Variants in AGAP1 observed in about 807,000 individuals in gnomAD.
AGAP1 encodes the protein ArfGAP with GTPase domain, ankyrin repeat and PH domain 1.
AGAP1 carries 29 observed loss-of-function variants against 105.3 expected under a neutral mutation model. The observed-to-expected ratio is 0.28, with a 90% CI of 0.21 to 0.38. The LOEUF (loss-of-function observed/expected upper bound fraction) is 0.38, where lower values mean the gene tolerates loss of function less well. Ranked by LOEUF, AGAP1 falls within the 10% of genes least tolerant of loss-of-function variation. The pLI, the probability that AGAP1 is intolerant of heterozygous loss-of-function variation, is 1.00. For synonymous variants in AGAP1, 509 were observed against 485.9 expected, an observed-to-expected ratio of 1.05 and a Z score of -0.63; for missense variants, 998 against 1,165.1, an observed-to-expected ratio of 0.86 and a Z score of 2.09.
intron 15 of AGAP1, among the ~76,000 whole-genome samples, chr2:236,048,527 G>A (rs1225353231): frequency 6.6e-6 from 1 of 152,222 alleles, no homozygotes; most frequent in Non-Finnish European, 1.5e-5. Flanking sequence ...CTTCACTGTA[G>A]TGTACCTCTC....
Position 235,559,504 on chromosome 2 carries a change from T to C in AGAP1, c.163+64655T>C, listed in dbSNP as rs1189365480. Among the ~76,000 whole-genome samples, 2 of 152,206 alleles carry C rather than the reference T, an allele frequency of 1.3e-5. No individual in the cohort carries two copies. Among genetic ancestry groups the C allele is most frequent in the African/African-American group, 4.8e-5 (2 of 41,450 alleles). On this transcript the variant is annotated intron_variant, in intron 1 of 17. Coordinates refer to ENST00000304032, the MANE Select transcript of AGAP1 (RefSeq NM_001037131.3). This position sits in a 1 kb window ranked among gnomAD's most constrained non-coding sequence, Gnocchi z 5.7. ...AAGGTTGAAAATCAGTTTTTCATTA[T>C]GTAAATAATGTGTACTCAGTGTAGA...
At chr2:235,811,055 A>C (rs1958112027) in intron 9 of AGAP1, among the ~76,000 whole-genome samples, 1 of 152,140 alleles carries the variant, frequency 6.6e-6, no homozygotes, top group African/African-American at 2.4e-5. Flanking sequence ...AATGGCAGTT[A>C]ATGAAGTACA....
Position 235,691,697 on chromosome 2 carries a change from G to T in AGAP1, c.164-17482G>T, listed in dbSNP as rs1415329402. On this transcript the variant is annotated intron_variant, in intron 1 of 17. Coordinates refer to ENST00000304032, the MANE Select transcript of AGAP1 (RefSeq NM_001037131.3). This position sits in a 1 kb window ranked among gnomAD's most constrained non-coding sequence, Gnocchi z 4.4. The stretch of plus-strand genomic sequence containing the variant: ...CATCTGCAGAAGGCTGCAAGCTGGG[G>T]AACTGAGGGGCCTCTTGGTCTGGGG... Among the ~76,000 whole-genome samples the T allele has an allele frequency of 2.6e-5, 4 of 152,232 alleles. No individual in the cohort carries two copies. The highest frequency in any genetic ancestry group is 5.9e-5 in the Non-Finnish European group (4 of 68,046).
intron 9 of AGAP1, among the ~76,000 whole-genome samples, chr2:235,851,499 T>C (rs2048454296): frequency 6.6e-6 from 1 of 151,780 alleles, no homozygotes; most frequent in South Asian, 2.1e-4. Context: ...TTCAGAGAAT[T>C]TTTTTTTTAA....
intron 13 of AGAP1, among the ~76,000 whole-genome samples, chr2:235,978,557 G>A (rs1206082749): frequency 6.6e-6 from 1 of 152,220 alleles, no homozygotes; most frequent in African/African-American, 2.4e-5. Flanking sequence ...ATGAGGAAGA[G>A]GGTTGAATAA....
rs2055640513 is a variant in AGAP1 at position 235,993,046 on chromosome 2, G to A, written c.1645+24423G>A. On this transcript the variant is annotated intron_variant, in intron 13 of 17. Transcript: ENST00000304032. The surrounding 1 kb of genome is among the most constrained non-coding windows in gnomAD (Gnocchi z 5.0). ...GTTACAAAAAACCAGTTTAAGACAT[G>A]GACTTTTTTCATATGTACATCTGAA... Among the ~76,000 whole-genome samples, 1 of 152,126 alleles carries A rather than the reference G, an allele frequency of 6.6e-6. No homozygotes were observed. The highest frequency in any genetic ancestry group is 2.4e-5 in the African/African-American group (1 of 41,430).
chr2:236,018,403 A>T (rs1295085310), intron 13 of AGAP1, among the ~76,000 whole-genome samples: 7 of 152,244 alleles, frequency 4.6e-5, no homozygotes, highest in Admixed American at 4.6e-4. Context: ...GTTGTGCAGG[A>T]GGAAACTCGG....
intron 1 of AGAP1, among the ~76,000 whole-genome samples, chr2:235,651,601 C>T (rs1947597023): frequency 6.6e-6 from 1 of 152,100 alleles, no homozygotes; most frequent in Non-Finnish European, 1.5e-5. Context: ...CAGATTCAGC[C>T]CTCTAGTCAT....
At chr2:235,980,259 G>A (rs566113007) in intron 13 of AGAP1, among the ~76,000 whole-genome samples, 1 of 152,204 alleles carries the variant, frequency 6.6e-6, no homozygotes, top group South Asian at 2.1e-4. Context: ...GATGGCTGTT[G>A]TCTGGGTTTT....
intron 16 of AGAP1, among the ~76,000 whole-genome samples, chr2:236,064,882 A>G (rs1017120345): frequency 6.6e-6 from 1 of 152,206 alleles, no homozygotes; most frequent in African/African-American, 2.4e-5. Flanking sequence ...AACAAGAATA[A>G]TCACCTGTTC....
Position 235,995,036 on chromosome 2 carries a change from A to C in AGAP1, c.1645+26413A>C, listed in dbSNP as rs192987513. Among the ~76,000 whole-genome samples the C allele has an allele frequency of 5.8e-3, 711 of 123,062 alleles. 2 individuals carry two copies. Among genetic ancestry groups the C allele is most frequent in the African/African-American group, 0.021 (638 of 31,064 alleles). 80.7% of individuals were successfully genotyped at this position (123,062 alleles called of 152,430 possible). A position where few individuals can be genotyped will look rare whatever the true frequency, so the allele number is the denominator to read the frequency against. ...GAGCCGAGATCGCGCCTTGCACTCCAACCAGGGAGACAGTACAAGACTCTG... is the reference window on the plus strand; with the variant it reads ...GAGCCGAGATCGCGCCTTGCACTCCCACCAGGGAGACAGTACAAGACTCTG... On this transcript the variant is annotated intron_variant, in intron 13 of 17. Transcript: ENST00000304032.
chr2:235,913,393 T>C (rs1342088471), intron 11 of AGAP1, among the ~76,000 whole-genome samples: 2 of 152,232 alleles, frequency 1.3e-5, no homozygotes, highest in East Asian at 3.8e-4. Flanking sequence ...AGAAATCTAA[T>C]TGAATTTTTT....
chr2:235,595,921 G>A (rs555817283), intron 1 of AGAP1, among the ~76,000 whole-genome samples: 11 of 152,212 alleles, frequency 7.2e-5, no homozygotes, highest in Non-Finnish European at 1.5e-4. Flanking sequence ...TGATGGAGAA[G>A]CACAAGGTCA....
chr2:236,024,777 T>C lies in AGAP1; in HGVS notation c.1646-11784T>C, dbSNP rs543405233. Among the ~76,000 whole-genome samples, 4 of 152,372 alleles carry C rather than the reference T, an allele frequency of 2.6e-5. No homozygotes were observed. In the East Asian group the frequency reaches 7.7e-4, roughly 29 times the overall value. On this transcript the variant is annotated intron_variant, in intron 13 of 17. Coordinates refer to ENST00000304032, the MANE Select transcript of AGAP1 (RefSeq NM_001037131.3). ...CATGGGGCCTTGTCTGCATAGAAACTGGACACAATTAGTGTAATATCCGGT... is the reference window on the plus strand; with the variant it reads ...CATGGGGCCTTGTCTGCATAGAAACCGGACACAATTAGTGTAATATCCGGT...
Position 235,965,176 on chromosome 2 carries a change from C to A in AGAP1, c.1484-3286C>A, listed in dbSNP as rs1282727958. Among the ~76,000 whole-genome samples, 1 of 152,178 alleles carries A rather than the reference C, an allele frequency of 6.6e-6. No homozygotes were observed. The highest frequency in any genetic ancestry group is 2.4e-5 in the African/African-American group (1 of 41,440). Reference sequence around the variant, plus strand: ...TCAAGGGTGAAGCCCAAGGTGATAGCAGAGAAAGCTGCCCGGAATGCAAAG... The same window carrying A: ...TCAAGGGTGAAGCCCAAGGTGATAGAAGAGAAAGCTGCCCGGAATGCAAAG... On this transcript the variant is annotated intron_variant, in intron 12 of 17. Coordinates refer to ENST00000304032, the MANE Select transcript of AGAP1 (RefSeq NM_001037131.3). This position sits in a 1 kb window ranked among gnomAD's most constrained non-coding sequence, Gnocchi z 5.8.
Position 236,087,082 on chromosome 2 carries a change from A to T in AGAP1, c.2115-33110A>T, listed in dbSNP as rs544318713. 2.6e-4 allele frequency among the ~76,000 whole-genome samples: 40 copies of T among 152,250 alleles called. No homozygotes were observed. The East Asian group carries it at 7.5e-3, about 29-fold the overall frequency. The stretch of plus-strand genomic sequence containing the variant: ...AAGGAAACAAAGGCCTCGCAGCAGG[A>T]GCAGAAGGGACACACACTCCCTCTG... On this transcript the variant is annotated intron_variant, in intron 16 of 17. Coordinates refer to ENST00000304032, the MANE Select transcript of AGAP1 (RefSeq NM_001037131.3). This position sits in a 1 kb window ranked among gnomAD's most constrained non-coding sequence, Gnocchi z 5.7.
intron 1 of AGAP1, among the ~76,000 whole-genome samples, chr2:235,683,161 G>A (rs1355313214): frequency 6.6e-6 from 1 of 151,944 alleles, no homozygotes; most frequent in Non-Finnish European, 1.5e-5. Flanking sequence ...ATAAAAATTA[G>A]CTGGACATGG....
intron 16 of AGAP1, among the ~76,000 whole-genome samples, chr2:236,100,389 T>C (rs540046576): frequency 6.6e-6 from 1 of 152,210 alleles, no homozygotes; most frequent in Non-Finnish European, 1.5e-5. Flanking sequence ...ATAATAATGC[T>C]TTCCTTACTC....
chr2:235,829,886 A>G (rs1959199193), intron 9 of AGAP1, among the ~76,000 whole-genome samples: 1 of 152,088 alleles, frequency 6.6e-6, no homozygotes, highest in African/African-American at 2.4e-5. Context: ...CTGGCAATAG[A>G]GAGTGGGTGT....
Sources: gnomAD v4.1 joint callset for allele counts (sites outside exome capture counted in the v4.1 genomes callset) on GRCh38, gnomAD v4.1.1 for gene constraint, Gnocchi (gnomAD v3.1) non-coding constraint, MANE v1.5 for transcripts, NCBI Gene and HGNC (gene_info 2026-07-23, HGNC 2026-07-21) for gene names.